DNAJC15: variants seen among roughly 807,000 people sequenced by gnomAD.
DNAJC15 encodes the protein dnaJ homolog subfamily C member 15.
Under a neutral mutation model 22.4 loss-of-function variants are expected in DNAJC15, and 27 were observed. That is an observed-to-expected ratio of 1.20 (90% CI 0.89 to 1.66). DNAJC15 has a LOEUF of 1.66. Ranked by LOEUF, DNAJC15 falls within the 40% of genes most tolerant of loss-of-function variation. The pLI, the probability that DNAJC15 is intolerant of heterozygous loss-of-function variation, is 0.00. For missense variants in DNAJC15, 208 were observed against 187.1 expected (o/e 1.11, Z -0.65); for synonymous variants, 79 against 63.2 (o/e 1.25, Z -1.19).
At position 43,051,408 on chromosome 13, in the gene DNAJC15, T is replaced by C. The variant is rs13313295; in HGVS notation, c.109-14278T>C. On this transcript the variant is annotated intron_variant, in intron 1 of 5. Coordinates refer to ENST00000379221, the MANE Select transcript of DNAJC15 (RefSeq NM_013238.3). The stretch of plus-strand genomic sequence containing the variant: ...AACACTGTACCCAGTGTGTAGTCTT[T>C]TATCCCTCGCTCCCACCCATTACCT... Among the ~76,000 whole-genome samples, 1,067 of 152,284 alleles carry C rather than the reference T, an allele frequency of 7.0e-3. 9 individuals are homozygous for C. Among genetic ancestry groups the C allele is most frequent in the African/African-American group, 0.024 (1,003 of 41,556 alleles).
At chr13:43,107,045 T>C in intron 5 of DNAJC15, 133 bp from the exon 6 acceptor site, 1 of 678,350 alleles carries the variant, frequency 1.5e-6, no homozygotes, top group Non-Finnish European at 2.2e-6. Context: ...GATTTCTAGT[T>C]AGCTTATAAA....
chr13:43,103,765 G>C (rs535346151), intron 5 of DNAJC15, among the ~76,000 whole-genome samples: 1 of 151,994 alleles, frequency 6.6e-6, no homozygotes, highest in Non-Finnish European at 1.5e-5. Context: ...TAGATTTGTG[G>C]GTTTTTCCTT....
intron 5 of DNAJC15, among the ~76,000 whole-genome samples, chr13:43,098,566 G>T (rs1298036150): frequency 6.6e-6 from 1 of 152,024 alleles, no homozygotes; most frequent in Non-Finnish European, 1.5e-5. Context: ...ATGCTATATT[G>T]AGATACCATA....
intron 1 of DNAJC15, among the ~76,000 whole-genome samples, chr13:43,061,544 C>G (rs1376704824): frequency 6.6e-6 from 1 of 152,158 alleles, no homozygotes; most frequent in Non-Finnish European, 1.5e-5. Flanking sequence ...TGATGGAGGA[C>G]CCTTGCATAG....
At chr13:43,075,438 C>T (rs1243986168) in intron 3 of DNAJC15, among the ~76,000 whole-genome samples, 1 of 152,046 alleles carries the variant, frequency 6.6e-6, no homozygotes, top group Non-Finnish European at 1.5e-5. Context: ...TTTTAGAGCT[C>T]CCTAAGGTAA....
chr13:43,024,978 T>C (rs1304839657), intron 1 of DNAJC15, among the ~76,000 whole-genome samples: 1 of 150,496 alleles, frequency 6.6e-6, no homozygotes, highest in Admixed American at 6.7e-5. Context: ...GGAGAATCAC[T>C]TGAGCCCAGG....
chr13:43,059,843 G>A, intron 1 of DNAJC15, among the ~76,000 whole-genome samples: 1 of 152,178 alleles, frequency 6.6e-6, no homozygotes, highest in Admixed American at 6.5e-5. Flanking sequence ...TAGGAGCAAT[G>A]TTTCGCGGGC....
At chr13:43,032,691 G>T in intron 1 of DNAJC15, among the ~76,000 whole-genome samples, 1 of 152,044 alleles carries the variant, frequency 6.6e-6, no homozygotes, top group East Asian at 1.9e-4. Context: ...TGGGTGTGAT[G>T]GTGCACACCT....
At chr13:43,065,591 A>G (rs560462135) in intron 1 of DNAJC15, 95 bp from the exon 2 acceptor site, 2 of 987,840 alleles carry the variant, frequency 2.0e-6, no homozygotes, top group Admixed American at 3.6e-5. Flanking sequence ...AAGAAAGTGT[A>G]GTATTGTAAT....
Position 43,108,667 on chromosome 13 carries a change from A to G in DNAJC15, c.*1419A>G, listed in dbSNP as rs532407271. ...GGAGGTCTCTTGTGCGTTTTAGATG[A>G]TTAGCAATAATCCCTGACCTGTTAT... On this transcript the variant is annotated 3_prime_UTR_variant, in exon 6 of 6. Coordinates refer to ENST00000379221, the MANE Select transcript of DNAJC15 (RefSeq NM_013238.3). 15 of 152,278 alleles carry G rather than the reference A, an allele frequency of 9.9e-5. No homozygotes were observed. Among genetic ancestry groups the G allele is most frequent in the African/African-American group, 3.4e-4 (14 of 41,556 alleles). The allele number at this position is 152,278 out of a possible 1,614,324, so 9.4% of individuals were successfully genotyped here.
intron 1 of DNAJC15, among the ~76,000 whole-genome samples, chr13:43,040,050 A>C (rs1201204999): frequency 1.3e-5 from 2 of 152,122 alleles, no homozygotes; most frequent in African/African-American, 4.8e-5. Context: ...AAATATATAC[A>C]TTTAGGACTA....
chr13:43,113,266 C>T lies in DNAJC15; in HGVS notation c.*6018C>T, dbSNP rs151268581. 6.6e-6 allele frequency: 1 copy of T among 152,292 alleles called. No individual in the cohort carries two copies. Among genetic ancestry groups the T allele is most frequent in the African/African-American group, 2.4e-5 (1 of 41,560 alleles). 9.4% of individuals were successfully genotyped at this position (152,292 alleles called of 1,614,324 possible). A position where few individuals can be genotyped will look rare whatever the true frequency, so the allele number is the denominator to read the frequency against. ...GAAAGGAGCAGAGAGGCAATGAAAA[C>T]AAGACAACTGAAATGAGGTAACTTG... On this transcript the variant is annotated 3_prime_UTR_variant, in exon 6 of 6. Transcript: ENST00000379221.
chr13:43,075,902 C>CAT, intron 3 of DNAJC15, among the ~76,000 whole-genome samples: 1 of 152,112 alleles, frequency 6.6e-6, no homozygotes, highest in African/African-American at 2.4e-5. Context: ...CTGAGGTGAT[C>CAT]CGCCCGCCTC....
rs181240855 is a variant in DNAJC15 at position 43,041,265 on chromosome 13, G to T, written c.108+17531G>T. Among the ~76,000 whole-genome samples, 8 of 152,220 alleles carry T rather than the reference G, an allele frequency of 5.3e-5. No individual in the cohort carries two copies. The East Asian group carries it at 1.2e-3, about 22-fold the overall frequency. On this transcript the variant is annotated intron_variant, in intron 1 of 5. Transcript: ENST00000379221. The stretch of plus-strand genomic sequence containing the variant: ...GTGGTGATGACTCTTAACCACTGCT[G>T]CCTTCAAGCATTTGCCTTCAAGCAT...
rs1055810638 is a variant in DNAJC15 at position 43,110,082 on chromosome 13, A to G, written c.*2834A>G. ...CTCGAATCTGCAATTTGGATAGAAC[A>G]TGGTGGGGACAGCTCGTCTCTATTC... On this transcript the variant is annotated 3_prime_UTR_variant, in exon 6 of 6. Transcript: ENST00000379221. 1 of 152,162 alleles carries G rather than the reference A, an allele frequency of 6.6e-6. No homozygotes were observed. The highest frequency in any genetic ancestry group is 2.4e-5 in the African/African-American group (1 of 41,438). The allele number at this position is 152,162 out of a possible 1,614,324, so 9.4% of individuals were successfully genotyped here.
Position 43,023,612 on chromosome 13 carries a change from C to T in DNAJC15, c.-15C>T, listed in dbSNP as rs376822525. 2.6e-5 allele frequency: 42 copies of T among 1,604,064 alleles called. No individual in the cohort carries two copies. The South Asian group carries it at 3.8e-4, about 14-fold the overall frequency. On this transcript the variant is annotated 5_prime_UTR_variant, in exon 1 of 6. Transcript: ENST00000379221. ...GTCACTGCCGCGGCGCCTTGAGTCT[C>T]CGGGCCGCCTTGCCATGGCTGCCCG...
intron 1 of DNAJC15, among the ~76,000 whole-genome samples, chr13:43,064,006 A>T (rs1244452310): frequency 6.6e-6 from 1 of 152,222 alleles, no homozygotes. Flanking sequence ...AACCTATTTC[A>T]GGCAGGCTAG....
Position 43,113,032 on chromosome 13 carries a change from T to C in DNAJC15, c.*5784T>C, listed in dbSNP as rs1016384692. The C allele has an allele frequency of 3.9e-5, 6 of 152,222 alleles. No homozygotes were observed. Among genetic ancestry groups the C allele is most frequent in the Non-Finnish European group, 7.3e-5 (5 of 68,034 alleles). The allele number at this position is 152,222 out of a possible 1,614,324, so 9.4% of individuals were successfully genotyped here. The stretch of plus-strand genomic sequence containing the variant: ...ATAGCAAAAGTTCTGTTGTAAAGTT[T>C]AGCAGAGTGACTTTCTTTGACTCAG... On this transcript the variant is annotated 3_prime_UTR_variant, in exon 6 of 6. Coordinates refer to ENST00000379221, the MANE Select transcript of DNAJC15 (RefSeq NM_013238.3).
chr13:43,023,870 C>G, intron 1 of DNAJC15, 136 bp downstream of exon 1: 1 of 820,422 alleles, frequency 1.2e-6, no homozygotes, highest in African/African-American at 1.7e-5. Flanking sequence ...CTCACTTGTT[C>G]AGTGGAGAGA....
Sources: gnomAD v4.1 joint callset for allele counts (sites outside exome capture counted in the v4.1 genomes callset) on GRCh38, gnomAD v4.1.1 for gene constraint, MANE v1.5 for transcripts, NCBI Gene and HGNC (gene_info 2026-07-23, HGNC 2026-07-21) for gene names.